GTF2IRD1: variants seen among roughly 807,000 people sequenced by gnomAD.
The protein encoded by GTF2IRD1 is GTF2I repeat domain containing 1, also known as general transcription factor II-I repeat domain-containing protein 1.
A neutral mutation model predicts 113.2 loss-of-function variants in GTF2IRD1; 26 were observed. That is an observed-to-expected ratio of 0.23 (90% CI 0.17 to 0.32). GTF2IRD1 has a LOEUF of 0.32. GTF2IRD1 is among the 10% of genes least tolerant of loss of function. The probability of loss-of-function intolerance (pLI) is 1.00; values close to 1 mark genes in which losing one functional copy is unlikely to be tolerated. For missense variants in GTF2IRD1, 864 were observed against 1,280.8 expected (o/e 0.67, Z 4.97); for synonymous variants, 484 against 529.1 (o/e 0.91, Z 1.17).
Position 74,585,000 on chromosome 7 carries a change from C to T in GTF2IRD1, c.2321-4851C>T, listed in dbSNP as rs587654815. The stretch of plus-strand genomic sequence containing the variant: ...TACTTTTAGTTGAGACGGGGTTTCA[C>T]CACGTTGGACAGGCTGGTCTCGAAC... On this transcript the variant is annotated intron_variant, in intron 22 of 26. Transcript: ENST00000424337. 7.9e-5 allele frequency among the ~76,000 whole-genome samples: 12 copies of T among 152,130 alleles called. No homozygotes were observed. The South Asian group carries it at 2.5e-3, about 32-fold the overall frequency.
intron 1 of GTF2IRD1, among the ~76,000 whole-genome samples, chr7:74,456,109 G>A (rs370548296): frequency 1.3e-5 from 2 of 152,320 alleles, no homozygotes; most frequent in Admixed American, 1.3e-4. Context: ...CTGATGAGGT[G>A]GTAGTCGTCA....
intron 14 of GTF2IRD1, among the ~76,000 whole-genome samples, chr7:74,542,102 A>G (rs1298247353): frequency 6.6e-6 from 1 of 151,900 alleles, no homozygotes; most frequent in African/African-American, 2.4e-5. Flanking sequence ...TCTCAAAAAA[A>G]AAAAACAAAA....
chr7:74,595,514 C>A (rs1250442612), intron 25 of GTF2IRD1, among the ~76,000 whole-genome samples: 1 of 151,832 alleles, frequency 6.6e-6, no homozygotes, highest in African/African-American at 2.4e-5. Context: ...CGGAGCGAGA[C>A]CCTGTCTCTA....
At chr7:74,455,724 C>T (rs1792925959) in intron 1 of GTF2IRD1, among the ~76,000 whole-genome samples, 2 of 152,162 alleles carry the variant, frequency 1.3e-5, no homozygotes, top group Non-Finnish European at 2.9e-5. Context: ...GACAGGGTAT[C>T]GGAACCCCCA....
chr7:74,471,971 G>T (rs983921454), intron 1 of GTF2IRD1, among the ~76,000 whole-genome samples: 1 of 152,092 alleles, frequency 6.6e-6, no homozygotes, highest in African/African-American at 2.4e-5. Flanking sequence ...CAGCCTAGGC[G>T]ACAGAATGAG....
rs1020168322 is a variant in GTF2IRD1 at position 74,507,752 on chromosome 7, G to T, written c.-6-323G>T. ...AGCCATGGAGGGTGTGTGAGCGAGG[G>T]AGGGCTGTGGCCAGAATTGCACACG... On this transcript the variant is annotated intron_variant, in intron 1 of 26. Coordinates refer to ENST00000424337, the MANE Select transcript of GTF2IRD1 (RefSeq NM_005685.4). The T allele has an allele frequency of 4.1e-5, 11 of 269,044 alleles. No individual in the cohort carries two copies. The Middle Eastern group carries it at 3.7e-3, about 91-fold the overall frequency. The allele number at this position is 269,044 out of a possible 1,614,324, so 16.7% of individuals were successfully genotyped here. A position where few individuals can be genotyped will look rare whatever the true frequency, so the allele number is the denominator to read the frequency against.
chr7:74,535,672 T>C (rs1039251406), intron 10 of GTF2IRD1, among the ~76,000 whole-genome samples: 1 of 152,152 alleles, frequency 6.6e-6, no homozygotes, highest in Non-Finnish European at 1.5e-5. Context: ...GGGGTGATCC[T>C]GGCACCCCAG....
chr7:74,501,883 C>T (rs1004530281), intron 1 of GTF2IRD1, among the ~76,000 whole-genome samples: 1 of 152,074 alleles, frequency 6.6e-6, no homozygotes, highest in Admixed American at 6.6e-5. Context: ...AACTCTTGAC[C>T]TCAAGTGATC....
intron 22 of GTF2IRD1, among the ~76,000 whole-genome samples, chr7:74,587,749 C>G (rs11978392): frequency 6.6e-6 from 1 of 152,122 alleles, no homozygotes; most frequent in Non-Finnish European, 1.5e-5. Context: ...GCCCAACCCC[C>G]ACTCAGCCTT....
rs372776217 is a variant in GTF2IRD1 at position 74,512,908 on chromosome 7, G to A, written c.202G>A (p.Glu68Lys). Reference sequence around the variant, plus strand: ...TGAGAGCGCCTTTGTGGTGGGCACAGAGAAGGGGAGAATGTTCCTGAATGC... The same window carrying A: ...TGAGAGCGCCTTTGTGGTGGGCACAAAGAAGGGGAGAATGTTCCTGAATGC... ...HDESAFVVGT[E>K]KGRMFLNARK... Residue 68 changes from glutamate to lysine, a missense_variant, in exon 3 of 27, where the codon GAG (glutamate) becomes AAG (lysine). Glu to Lys is a moderately conservative substitution (Grantham distance 56). Coordinates refer to ENST00000424337, the MANE Select transcript of GTF2IRD1 (RefSeq NM_005685.4). This position sits in a 1 kb window ranked among gnomAD's most constrained non-coding sequence, Gnocchi z 4.4. The A allele has an allele frequency of 1.2e-6, 2 of 1,614,030 alleles. No individual in the cohort carries two copies. The highest frequency in any genetic ancestry group is 1.7e-6 in the Non-Finnish European group (2 of 1,179,986).
At chr7:74,518,094 G>C in intron 4 of GTF2IRD1, 45 bp from the exon 5 acceptor site, 1 of 1,368,748 alleles carries the variant, frequency 7.3e-7, no homozygotes, top group Non-Finnish European at 9.7e-7. Flanking sequence ...CCCCAGCCTG[G>C]CTGCCCTCTC....
At chr7:74,484,453 CTTT>C (rs1173256681) in intron 1 of GTF2IRD1, among the ~76,000 whole-genome samples, 13 of 126,076 alleles carry the variant, frequency 1.0e-4, no homozygotes, top group Admixed American at 4.1e-4. Context: ...GGCCATCCTT[CTTT>C]TTTTTTTTTT....
intron 22 of GTF2IRD1, among the ~76,000 whole-genome samples, chr7:74,589,518 G>A (rs1801927938): frequency 6.6e-6 from 1 of 151,938 alleles, no homozygotes; most frequent in South Asian, 2.1e-4. Context: ...GCAACATGGT[G>A]AAACCCCATC....
rs587602434 is a variant in GTF2IRD1 at position 74,527,160 on chromosome 7, G to A, written c.1091-2574G>A. On this transcript the variant is annotated intron_variant, in intron 8 of 26. Transcript: ENST00000424337. ...TCATACGGGGAGGCAAGAGTGAAGT[G>A]GATACTCAGGTCAGGGGAAGGGTGA... is the stretch of plus-strand genomic sequence containing the variant. Among the ~76,000 whole-genome samples, 10 of 152,228 alleles carry A rather than the reference G, an allele frequency of 6.6e-5. No individual in the cohort carries two copies. The South Asian group carries it at 2.1e-3, about 32-fold the overall frequency.
rs371997506 is a variant in GTF2IRD1 at position 74,547,128 on chromosome 7, C to T, written c.1758C>T (p.Pro586=). ...CCAAGGCCATTGGCATCTCGGAGCC[C>T]GTCAAGGTGCCGTACTCCAAGTTTC... ...RYAKAIGISE[P]VKVPYSKFLM... is the part of the protein sequence containing the mutation. The change falls in exon 17 of 27, where the codon CCC becomes CCT. Residue 586 remains proline (P), a synonymous_variant. Coordinates refer to ENST00000424337, the MANE Select transcript of GTF2IRD1 (RefSeq NM_005685.4). 181 of 1,613,008 alleles carry T rather than the reference C, an allele frequency of 1.1e-4. No individual in the cohort carries two copies. The highest frequency in any genetic ancestry group is 1.3e-4 in the Non-Finnish European group (154 of 1,179,754).
intron 1 of GTF2IRD1, among the ~76,000 whole-genome samples, chr7:74,476,387 C>CTTTTTTTTTTTTTGTT: frequency 2.4e-5 from 1 of 41,266 alleles, no homozygotes; most frequent in African/African-American, 6.3e-5. Flanking sequence ...TCTTTTGAGA[C>CTTTTTTTTTTTTTGTT]GGAGTCTCAC....
intron 1 of GTF2IRD1, among the ~76,000 whole-genome samples, chr7:74,503,008 A>T (rs1554339925): frequency 1.3e-5 from 2 of 152,002 alleles, no homozygotes; most frequent in Non-Finnish European, 1.5e-5. Context: ...CTCTACTAAT[A>T]ATACAAAAAT....
In GTF2IRD1 at chr7:74,515,308, A is replaced by G. The variant is rs781956525; in HGVS notation, c.266-133A>G. 5 of 1,504,996 alleles carry G rather than the reference A, an allele frequency of 3.3e-6. No individual in the cohort carries two copies. In the South Asian group the frequency reaches 6.0e-5, roughly 18 times the overall value. 93.2% of individuals were successfully genotyped at this position (1,504,996 alleles called of 1,614,324 possible). A position where few individuals can be genotyped will look rare whatever the true frequency, so the allele number is the denominator to read the frequency against. ...GGGCTTGCTCACTCATTAATTCTTC[A>G]TTCATTCATTCACTTGTGTATCACA... On this transcript the variant is annotated intron_variant, in intron 3 of 26. Coordinates refer to ENST00000424337, the MANE Select transcript of GTF2IRD1 (RefSeq NM_005685.4).
chr7:74,565,648 A>G (rs1554360468), intron 22 of GTF2IRD1, among the ~76,000 whole-genome samples: 1 of 151,816 alleles, frequency 6.6e-6, no homozygotes, highest in African/African-American at 2.4e-5. Context: ...GTAATATTCC[A>G]TCCGAAGAAC....
Sources: gnomAD v4.1 joint callset for allele counts (sites outside exome capture counted in the v4.1 genomes callset) on GRCh38, gnomAD v4.1.1 for gene constraint, Gnocchi (gnomAD v3.1) non-coding constraint, MANE v1.5 for transcripts, NCBI Gene and HGNC (gene_info 2026-07-23, HGNC 2026-07-21) for gene names.